STPG2: variants seen among roughly 807,000 people sequenced by gnomAD.
The protein encoded by STPG2 is sperm tail PG-rich repeat containing 2, also known as sperm-tail PG-rich repeat-containing protein 2.
STPG2 carries 56 observed loss-of-function variants against 54.2 expected under a neutral mutation model. The ratio of observed to expected loss-of-function variants is 1.03; its 90% CI spans 0.83 to 1.29. The LOEUF is 1.29. STPG2 is among the 50% of genes most tolerant of loss of function. STPG2 has a pLI of 0.00. For synonymous variants in STPG2, 200 were observed against 181.8 expected (o/e 1.10, Z -0.81); for missense variants, 596 against 544.9 (o/e 1.09, Z -0.93).
chr4:97,995,500 A>G (rs28622458), intron 5 of STPG2, among the ~76,000 whole-genome samples: 60,041 of 151,798 alleles, frequency 0.4, 12,033 homozygotes, highest in Middle Eastern at 0.46. Flanking sequence ...TTTAAGTCAG[A>G]TTACATTTTA....
chr4:97,847,975 G>T (rs1041245832), intron 8 of STPG2, among the ~76,000 whole-genome samples: 2 of 152,130 alleles, frequency 1.3e-5, no homozygotes, highest in African/African-American at 4.8e-5. Flanking sequence ...TGTACTAACT[G>T]CTTATTTTAG....
At chr4:98,109,780 TAAC>T (rs1303824622) in intron 3 of STPG2, among the ~76,000 whole-genome samples, 1 of 152,158 alleles carries the variant, frequency 6.6e-6, no homozygotes, top group African/African-American at 2.4e-5. Flanking sequence ...TAGAAATACT[TAAC>T]AATAAATTAA....
At chr4:98,122,350 T>C (rs900618162) in intron 3 of STPG2, among the ~76,000 whole-genome samples, 2 of 152,186 alleles carry the variant, frequency 1.3e-5, no homozygotes, top group Non-Finnish European at 2.9e-5. Flanking sequence ...ATATGGCTCT[T>C]ATTATTTTGA....
At chr4:98,085,322 T>C (rs935778476) in intron 5 of STPG2, among the ~76,000 whole-genome samples, 17 of 152,096 alleles carry the variant, frequency 1.1e-4, no homozygotes, top group African/African-American at 4.1e-4. Flanking sequence ...TAACACACTA[T>C]CTTGATTACC....
chr4:97,920,716 A>C (rs2149209135), intron 8 of STPG2, among the ~76,000 whole-genome samples: 1 of 152,332 alleles, frequency 6.6e-6, no homozygotes, highest in South Asian at 2.1e-4. Flanking sequence ...GGAAACATAG[A>C]CAGGACCATA....
intron 8 of STPG2, among the ~76,000 whole-genome samples, chr4:97,932,140 A>G (rs1210637113): frequency 1.3e-5 from 2 of 152,180 alleles, no homozygotes; most frequent in East Asian, 3.9e-4. Context: ...TCTTTGCTTC[A>G]TAAGTCTAGC....
intron 4 of STPG2, among the ~76,000 whole-genome samples, chr4:97,501,636 A>G (rs1730727469): frequency 6.6e-6 from 1 of 151,854 alleles, no homozygotes; most frequent in South Asian, 2.1e-4. Context: ...TCAAGGCTTC[A>G]GTGAGTTCGA....
At chr4:97,800,342 A>G (rs1184572280) in intron 9 of STPG2, among the ~76,000 whole-genome samples, 2 of 152,128 alleles carry the variant, frequency 1.3e-5, no homozygotes, top group Non-Finnish European at 2.9e-5. Context: ...GATGATGGTG[A>G]CGTACAAATG....
chr4:97,633,894 A>C (rs1721397026), intron 10 of STPG2: 1 of 155,310 alleles, frequency 6.4e-6, no homozygotes, highest in African/African-American at 2.4e-5. Flanking sequence ...TCAAACTGCA[A>C]GGCAGCAGCC....
chr4:98,024,434 T>A (rs1426668), intron 5 of STPG2, among the ~76,000 whole-genome samples: 59,962 of 151,994 alleles, frequency 0.39, 12,061 homozygotes, highest in Middle Eastern at 0.46. Flanking sequence ...TCACTGCTGA[T>A]CTCAATGAAA....
chr4:97,732,741 G>GA (rs146533490), intron 9 of STPG2, among the ~76,000 whole-genome samples: 20 of 147,150 alleles, frequency 1.4e-4, no homozygotes, highest in East Asian at 8.0e-4. Flanking sequence ...AAATCAGCAA[G>GA]AAAAAAAAAA....
chr4:98,003,530 A>G (rs1735478767), intron 5 of STPG2, among the ~76,000 whole-genome samples: 1 of 152,068 alleles, frequency 6.6e-6, no homozygotes, highest in Non-Finnish European at 1.5e-5. Context: ...TAAAAGCACA[A>G]TATTTTGGCT....
intron 6 of STPG2, among the ~76,000 whole-genome samples, chr4:97,980,631 T>C (rs1578752681): frequency 6.6e-6 from 1 of 152,130 alleles, no homozygotes; most frequent in Admixed American, 6.5e-5. Flanking sequence ...AAAATAATGA[T>C]ATATAATAGA....
intron 8 of STPG2, among the ~76,000 whole-genome samples, chr4:97,882,976 TAC>T (rs34481744): frequency 0.021 from 3,156 of 146,808 alleles, 42 homozygotes; most frequent in Middle Eastern, 0.045. Flanking sequence ...ACATACCACA[TAC>T]ACACACACAC....
At chr4:97,865,883 G>A (rs1729753923) in intron 8 of STPG2, among the ~76,000 whole-genome samples, 1 of 151,534 alleles carries the variant, frequency 6.6e-6, no homozygotes, top group African/African-American at 2.4e-5. Context: ...AGAAAATGTG[G>A]TACATATATA....
At chr4:97,947,702 A>G (rs1417978029) in intron 7 of STPG2, among the ~76,000 whole-genome samples, 1 of 152,068 alleles carries the variant, frequency 6.6e-6, no homozygotes, top group Non-Finnish European at 1.5e-5. Flanking sequence ...GTGATGAATC[A>G]TATTTACTGA....
intron 8 of STPG2, among the ~76,000 whole-genome samples, chr4:97,891,768 T>C (rs1165750563): frequency 1.3e-5 from 2 of 152,140 alleles, no homozygotes; most frequent in African/African-American, 4.8e-5. Context: ...ATTTTCTGGA[T>C]TGGAATTACC....
At chr4:97,573,379 T>C (rs535026079) in intron 10 of STPG2, among the ~76,000 whole-genome samples, 140 of 152,154 alleles carry the variant, frequency 9.2e-4, no homozygotes, top group Admixed American at 3.8e-3. Context: ...AGACCAATTC[T>C]GGCAATTCTG....
intron 4 of STPG2, among the ~76,000 whole-genome samples, chr4:97,529,971 A>G (rs1169433381): frequency 6.6e-6 from 1 of 151,880 alleles, no homozygotes; most frequent in Non-Finnish European, 1.5e-5. Flanking sequence ...TCTATTATTT[A>G]TTTTTCTTTT....
Sources: gnomAD v4.1 joint callset for allele counts (sites outside exome capture counted in the v4.1 genomes callset) on GRCh38, gnomAD v4.1.1 for gene constraint, MANE v1.5 for transcripts, NCBI Gene and HGNC (gene_info 2026-07-23, HGNC 2026-07-21) for gene names.